The following NDUFS2 variants were observed in gnomAD, a reference collection of about 807,000 sequenced individuals.
NDUFS2 encodes NADH:ubiquinone oxidoreductase core subunit S2.
A neutral mutation model predicts 69.6 loss-of-function variants in NDUFS2; 38 were observed. The ratio of observed to expected loss-of-function variants is 0.55; its 90% CI spans 0.42 to 0.72. The LOEUF is 0.72. Ranked by LOEUF, NDUFS2 falls within the 30% of genes least tolerant of loss-of-function variation. The pLI, the probability that NDUFS2 is intolerant of heterozygous loss-of-function variation, is 0.00. For missense variants in NDUFS2, 468 were observed against 595.0 expected, an observed-to-expected ratio of 0.79 and a Z score of 2.22; for synonymous variants, 194 against 211.2, an observed-to-expected ratio of 0.92 and a Z score of 0.70.
chr1:161,208,079 G>A (rs1412059310), intron 3 of NDUFS2, among the ~76,000 whole-genome samples: 3 of 147,936 alleles, frequency 2.0e-5, no homozygotes, highest in Non-Finnish European at 3.0e-5. Context: ...CCACCTCCCA[G>A]GTTCAAGCGA....
chr1:161,202,113 G>A (rs574345873), upstream of NDUFS2: 5 of 534,400 alleles, frequency 9.4e-6, no homozygotes, highest in East Asian at 3.4e-5. Context: ...TCTGCCCCAC[G>A]CAGGAACGGC....
At chr1:161,199,233 A>T (rs1046836961), upstream of NDUFS2, 3 of 152,350 alleles carry the variant, frequency 2.0e-5, no homozygotes, top group African/African-American at 4.8e-5. Context: ...GATAATAGGC[A>T]CTGGGCCAGC....
chr1:161,210,568 T>C, intron 8 of NDUFS2, 23 bp from the exon 9 acceptor site: 2 of 1,614,082 alleles, frequency 1.2e-6, no homozygotes, highest in Non-Finnish European at 1.7e-6. Context: ...GAGTGGCCCT[T>C]ATTCCCATTA....
chr1:161,203,648 T>G (rs1665287910), intron 2 of NDUFS2, 105 bp downstream of exon 2: 2 of 978,116 alleles, frequency 2.0e-6, no homozygotes, highest in Non-Finnish European at 3.2e-6. Flanking sequence ...CTGGCTGGAG[T>G]GCAGTGGTGC....
chr1:161,213,200 G>A, intron 10 of NDUFS2, 180 bp from the exon 11 acceptor site: 2 of 598,262 alleles, frequency 3.3e-6, no homozygotes, highest in Admixed American at 2.3e-5. Context: ...ACCGCACCCG[G>A]CCATATAAGA....
At position 161,206,602 on chromosome 1, in the gene NDUFS2, G is replaced by A. The variant is rs375651203; in HGVS notation, c.393+5G>A. 4.8e-5 allele frequency: 78 copies of A among 1,612,400 alleles called. No homozygotes were observed. The African/African-American group carries it at 8.3e-4, about 17-fold the overall frequency. ...GAATACAAGACCTATCTTCAGGTGT[G>A]GGGGGTGAACAGGAGCCTTTTGGCG... On this transcript the variant is annotated splice_donor_5th_base_variant and intron_variant, in intron 3 of 13. Coordinates refer to ENST00000676972, the MANE Select transcript of NDUFS2 (RefSeq NM_001377299.1).
At position 161,209,120 on chromosome 1, in the gene NDUFS2, G is replaced by A. The variant is rs1665631195; in HGVS notation, c.394-73G>A. 7 of 1,608,042 alleles carry A rather than the reference G, an allele frequency of 4.4e-6. No individual in the cohort carries two copies. The South Asian group carries it at 5.5e-5, about 13-fold the overall frequency. On this transcript the variant is annotated intron_variant, in intron 3 of 13. Transcript: ENST00000676972. The stretch of plus-strand genomic sequence containing the variant: ...CACCAACTTCTGGTGCCGACTGAGA[G>A]CAAGGCTTCAGGCAGCCAGACTGTG...
At chr1:161,209,973 T>G (rs751443088) in intron 6 of NDUFS2, 42 bp downstream of exon 6, 6 of 1,611,812 alleles carry the variant, frequency 3.7e-6, no homozygotes, top group Non-Finnish European at 4.2e-6. Flanking sequence ...AGCCCAGGCC[T>G]ATTTTCCCTG....
chr1:161,210,009 G>A (rs1278075018), intron 6 of NDUFS2, 78 bp downstream of exon 6: 3 of 1,598,460 alleles, frequency 1.9e-6, no homozygotes, highest in South Asian at 1.1e-5. Context: ...AGTGCTGGAT[G>A]ATGGAAACTC....
At position 161,214,269 on chromosome 1, in the gene NDUFS2, CTG is replaced by C. The variant is rs10629771; in HGVS notation, c.*106_*107del. 33,057 of 880,912 alleles carry C rather than the reference CTG, an allele frequency of 0.038. No homozygotes were observed. Among genetic ancestry groups the C allele is most frequent in the Non-Finnish European group, 0.042 (22,815 of 547,162 alleles). The allele number at this position is 880,912 out of a possible 1,614,324, so 54.6% of individuals were successfully genotyped here. On this transcript the variant is annotated 3_prime_UTR_variant, in exon 14 of 14. Coordinates refer to ENST00000676972, the MANE Select transcript of NDUFS2 (RefSeq NM_001377299.1). ...CCTGTTCCTCACTGGAAATTGGCCT[CTG>C]TGTGTGTGTGTGTGTGTGTGTGTGT...
Position 161,214,285 on chromosome 1 carries a change from G to GTGTGTA in NDUFS2, c.*97_*98insATGTGT. 8.9e-7 allele frequency: 1 copy of GTGTGTA among 1,118,040 alleles called. No homozygotes were observed. The allele number at this position is 1,118,040 out of a possible 1,614,324, so 69.3% of individuals were successfully genotyped here. ...AATTGGCCTCTGTGTGTGTGTGTGTGTGTGTGTGTGTGTGTATGTTCATGT... is the reference window on the plus strand; with the variant it reads ...AATTGGCCTCTGTGTGTGTGTGTGTGTGTGTATGTGTGTGTGTGTGTATGTTCATGT... On this transcript the variant is annotated 3_prime_UTR_variant, in exon 14 of 14. Coordinates refer to ENST00000676972, the MANE Select transcript of NDUFS2 (RefSeq NM_001377299.1).
Position 161,214,223 on chromosome 1 carries a change from C to T in NDUFS2, c.*30C>T, listed in dbSNP as rs1302458607. ...GGGAGCAGCGTTTGATCCCCCCTGCCTATCAGCTTCTTCTGTGGAGCCTGT... is the reference window on the plus strand; with the variant it reads ...GGGAGCAGCGTTTGATCCCCCCTGCTTATCAGCTTCTTCTGTGGAGCCTGT... On this transcript the variant is annotated 3_prime_UTR_variant, in exon 14 of 14. Transcript: ENST00000676972. 6.3e-7 allele frequency: 1 copy of T among 1,589,706 alleles called. No homozygotes were observed. Among genetic ancestry groups the T allele is most frequent in the Non-Finnish European group, 8.6e-7 (1 of 1,158,440 alleles).
chr1:161,207,065 G>A (rs2102039310), intron 3 of NDUFS2, among the ~76,000 whole-genome samples: 1 of 152,324 alleles, frequency 6.6e-6, no homozygotes, highest in South Asian at 2.1e-4. Context: ...CCATTTTTAG[G>A]AGAACTGTAT....
chr1:161,198,384 A>G (rs1405126667), upstream of NDUFS2: 3 of 1,611,850 alleles, frequency 1.9e-6, no homozygotes, highest in East Asian at 4.5e-5. The surrounding 1 kb of genome is among the most constrained non-coding windows in gnomAD (Gnocchi z 4.7). Context: ...AAGCGGCACA[A>G]CAGCCTGGCA....
upstream of NDUFS2, chr1:161,198,819 G>T (rs1197411045): frequency 3.7e-6 from 2 of 542,320 alleles, no homozygotes; most frequent in African/African-American, 3.8e-5. This position sits in a 1 kb window ranked among gnomAD's most constrained non-coding sequence, Gnocchi z 4.7. Context: ...TGGGAGAGGT[G>T]CCCAGGGGTC....
chr1:161,206,511 G>A lies in NDUFS2; in HGVS notation c.307G>A (p.Gly103Arg), dbSNP rs1665472615. The A allele has an allele frequency of 1.2e-6, 2 of 1,614,254 alleles. No individual in the cohort carries two copies. The highest frequency in any genetic ancestry group is 1.7e-6 in the Non-Finnish European group (2 of 1,180,044). Residue 103 changes from glycine to arginine, a missense_variant, in exon 3 of 14, where the codon GGG becomes AGG. Physicochemically the swap from Gly to Arg is moderately radical, Grantham distance 125 (BLOSUM62 -2). Coordinates refer to ENST00000676972, the MANE Select transcript of NDUFS2 (RefSeq NM_001377299.1). ...CCTGCGACTAGTGATGGAATTGAGT[G>A]GGGAGATGGTGCGGAAGTGTGATCC... is the stretch of plus-strand genomic sequence containing the variant. ...GVLRLVMELS[G>R]EMVRKCDPHI...
chr1:161,211,866 C>T (rs1004352744), intron 9 of NDUFS2, among the ~76,000 whole-genome samples: 5 of 152,004 alleles, frequency 3.3e-5, no homozygotes, highest in African/African-American at 1.2e-4. Context: ...TACTACAGGC[C>T]ATGTTCTGAG....
At position 161,207,250 on chromosome 1, in the gene NDUFS2, G is replaced by A. The variant is rs79649420; in HGVS notation, c.393+653G>A. 1.3e-4 allele frequency among the ~76,000 whole-genome samples: 20 copies of A among 152,282 alleles called. No individual in the cohort carries two copies. The East Asian group carries it at 2.5e-3, about 19-fold the overall frequency. ...GAATGTGATTCCCCAAGAGAGCCTC[G>A]GCGATGACAGTTTCTGGTCCTGGAG... On this transcript the variant is annotated intron_variant, in intron 3 of 13. Coordinates refer to ENST00000676972, the MANE Select transcript of NDUFS2 (RefSeq NM_001377299.1).
At position 161,203,479 on chromosome 1, in the gene NDUFS2, G is replaced by C. The variant is rs1472007022; in HGVS notation, c.138G>C (p.Gln46His). The C allele has an allele frequency of 6.2e-7, 1 of 1,614,156 alleles. No homozygotes were observed. The highest frequency in any genetic ancestry group is 2.2e-5 in the East Asian group (1 of 44,876). ...QWQPDVEWAQ[Q>H]FGGAVMYPSK... ...AGCCAGATGTGGAATGGGCACAGCAGTTTGGGGGAGCTGTTATGTACCCAA... is the reference window on the plus strand; with the variant it reads ...AGCCAGATGTGGAATGGGCACAGCACTTTGGGGGAGCTGTTATGTACCCAA... The change falls in exon 2 of 14, where the codon CAG becomes CAC. Residue 46 changes from glutamine to histidine, a missense_variant. Transcript: ENST00000676972.
Sources: allele counts gnomAD v4.1 joint callset (sites outside exome capture counted in the v4.1 genomes callset), GRCh38; gene constraint gnomAD v4.1.1; non-coding constraint Gnocchi (gnomAD v3.1); transcripts MANE v1.5; gene names NCBI Gene and HGNC (gene_info 2026-07-23, HGNC 2026-07-21).